Variants in TSHZ3 observed in about 807,000 individuals in gnomAD.
TSHZ3 encodes teashirt homolog 3.
In TSHZ3, 10 loss-of-function variants were observed where a neutral mutation model predicts 64.5. The observed-to-expected ratio is 0.16, with a 90% CI of 0.10 to 0.26. TSHZ3 has a LOEUF of 0.26. Among genes scored for constraint, TSHZ3 ranks in the 10% least tolerant of loss-of-function variants. The probability of loss-of-function intolerance (pLI) is 1.00; values close to 1 mark genes in which losing one functional copy is unlikely to be tolerated. For synonymous variants in TSHZ3, 608 were observed against 593.1 expected (o/e 1.03, Z -0.36); for missense variants, 1,242 against 1,421.7 (o/e 0.87, Z 2.03).
At chr19:31,326,796 T>C (rs1449171651) in intron 1 of TSHZ3, among the ~76,000 whole-genome samples, 1 of 152,184 alleles carries the variant, frequency 6.6e-6, no homozygotes, top group Non-Finnish European at 1.5e-5. Context: ...GCACTGCGAG[T>C]GCCCATGTCT....
chr19:31,197,385 A>T (rs1249588036), intron 5 of TSHZ3, among the ~76,000 whole-genome samples: 2 of 151,754 alleles, frequency 1.3e-5, no homozygotes, highest in Non-Finnish European at 3.0e-5. Flanking sequence ...TTAATCATCT[A>T]GGCTTCCATT....
chr19:31,271,872 A>G (rs1039029577), downstream of TSHZ3, among the ~76,000 whole-genome samples: 7 of 152,236 alleles, frequency 4.6e-5, no homozygotes, highest in Non-Finnish European at 8.8e-5. Context: ...GATAATAGCT[A>G]TTATTTTAAA....
chr19:31,161,663 A>G (rs1392553891), intron 5 of TSHZ3, among the ~76,000 whole-genome samples: 3 of 152,016 alleles, frequency 2.0e-5, no homozygotes, highest in Non-Finnish European at 2.9e-5. Flanking sequence ...ACTTTGGGCC[A>G]CCTCCTGGGC....
chr19:31,314,866 T>G (rs141907550), intron 1 of TSHZ3, among the ~76,000 whole-genome samples: 1 of 152,200 alleles, frequency 6.6e-6, no homozygotes, highest in Non-Finnish European at 1.5e-5. Context: ...GCTCAGCTCA[T>G]GGCCCCTGGG....
intron 1 of TSHZ3, among the ~76,000 whole-genome samples, chr19:31,316,733 TG>T (rs1341104002): frequency 2.0e-5 from 3 of 151,600 alleles, no homozygotes; most frequent in African/African-American, 7.3e-5. Context: ...TTCCACCTCA[TG>T]GAAAAGTGGG....
At chr19:31,237,696 T>C (rs1975637321) in intron 3 of TSHZ3, among the ~76,000 whole-genome samples, 1 of 152,200 alleles carries the variant, frequency 6.6e-6, no homozygotes, top group Non-Finnish European at 1.5e-5. Flanking sequence ...CAATAATTGG[T>C]ATTAAACCTT....
At chr19:31,232,290 A>G (rs1313496727) in intron 3 of TSHZ3, among the ~76,000 whole-genome samples, 1 of 152,216 alleles carries the variant, frequency 6.6e-6, no homozygotes, top group African/African-American at 2.4e-5. Flanking sequence ...GCTGAAAAAA[A>G]AGTCAATGAA....
intron 4 of TSHZ3, among the ~76,000 whole-genome samples, chr19:31,208,666 A>G (rs987123015): frequency 1.3e-5 from 2 of 152,242 alleles, no homozygotes. Context: ...GGCACATAGC[A>G]TGGAACCTAT....
chr19:31,162,262 A>G (rs1395825042), intron 5 of TSHZ3, among the ~76,000 whole-genome samples: 3 of 152,188 alleles, frequency 2.0e-5, no homozygotes, highest in African/African-American at 7.2e-5. Flanking sequence ...AAAAAATCTG[A>G]TTATAATCTA....
chr19:31,168,900 C>T (rs1167384021), intron 5 of TSHZ3, among the ~76,000 whole-genome samples: 2 of 152,080 alleles, frequency 1.3e-5, no homozygotes, highest in Non-Finnish European at 2.9e-5. Flanking sequence ...GAAAAGCATC[C>T]AACTGTCATA....
intron 5 of TSHZ3, among the ~76,000 whole-genome samples, chr19:31,204,574 A>C (rs1975137919): frequency 6.6e-6 from 1 of 152,198 alleles, no homozygotes; most frequent in Non-Finnish European, 1.5e-5. Flanking sequence ...CCCAGCCATG[A>C]GTAGAATGTT....
At chr19:31,177,926 C>A (rs1164906906) in intron 5 of TSHZ3, among the ~76,000 whole-genome samples, 3 of 152,096 alleles carry the variant, frequency 2.0e-5, no homozygotes, top group Non-Finnish European at 4.4e-5. Flanking sequence ...TTTAGAGGCT[C>A]CTGTAGTCCA....
chr19:31,335,207 T>C (rs1038930789), intron 1 of TSHZ3, among the ~76,000 whole-genome samples: 3 of 152,258 alleles, frequency 2.0e-5, no homozygotes, highest in Non-Finnish European at 4.4e-5. Flanking sequence ...GGATCTTTCT[T>C]CCTTTGCCCT....
chr19:31,294,759 C>T (rs552732693), intron 1 of TSHZ3, among the ~76,000 whole-genome samples: 90 of 152,192 alleles, frequency 5.9e-4, no homozygotes, highest in African/African-American at 2.1e-3. Flanking sequence ...TATATTGACA[C>T]TTATATAGTC....
chr19:31,204,698 T>C (rs139942014), intron 5 of TSHZ3: 2 of 152,452 alleles, frequency 1.3e-5, no homozygotes, highest in East Asian at 3.9e-4. Context: ...TCCCAGCTTC[T>C]TGGCTGTCCA....
At chr19:31,218,076 C>G (rs1049442573) in intron 4 of TSHZ3, among the ~76,000 whole-genome samples, 1 of 152,140 alleles carries the variant, frequency 6.6e-6, no homozygotes, top group Non-Finnish European at 1.5e-5. Flanking sequence ...AAAATTTCTC[C>G]TCTGTGAAAG....
chr19:31,308,552 C>T lies in TSHZ3; in HGVS notation c.41-28800G>A, dbSNP rs1447972412. The T allele has an allele frequency of 1.3e-5, 5 of 396,938 alleles. No homozygotes were observed. In the East Asian group the frequency reaches 1.8e-4, roughly 14 times the overall value. The allele number at this position is 396,938 out of a possible 1,614,324, so 24.6% of individuals were successfully genotyped here. A position where few individuals can be genotyped will look rare whatever the true frequency, so the allele number is the denominator to read the frequency against. On this transcript the variant is annotated intron_variant, in intron 1 of 1. Transcript: ENST00000240587. ...GCTCCATTTCTAGGAGACTGGCTCT[C>T]GATCCTTTTTGGAAATGGAGGTTTC...
In TSHZ3 at chr19:31,277,059, C is replaced by T. The variant is rs759742847; in HGVS notation, c.2734G>A (p.Ala912Thr). Residue 912 changes from alanine (A) to threonine (T), a missense_variant, in exon 2 of 2, where the codon GCC (alanine) becomes ACC (threonine). Ala to Thr is a moderately conservative substitution (Grantham distance 58). This residue lies in a region of TSHZ3 where 550 missense variants were observed against 545.1 expected (regional missense o/e 1.01). Coordinates refer to ENST00000240587, the MANE Select transcript of TSHZ3 (RefSeq NM_020856.4). This position sits in a 1 kb window ranked among gnomAD's most constrained non-coding sequence, Gnocchi z 4.5. The part of the protein sequence containing the change: ...HLLILQAQFA[A>T]SLRQTSEGKY... ...CCTTCTGAGGTCTGCCGGAGGCTGG[C>T]GGCAAACTGGGCCTGGAGGATCAGG... 8.1e-6 allele frequency: 13 copies of T among 1,608,290 alleles called. No individual in the cohort carries two copies. Among genetic ancestry groups the T allele is most frequent in the South Asian group, 6.6e-5 (6 of 90,356 alleles).
chr19:31,168,881 C>G lies in TSHZ3; in HGVS notation n.810-12464G>C, dbSNP rs1460090187. Among the ~76,000 whole-genome samples, 8 of 152,118 alleles carry G rather than the reference C, an allele frequency of 5.3e-5. No individual in the cohort carries two copies. In the East Asian group the frequency reaches 1.5e-3, roughly 29 times the overall value. On this transcript the variant is annotated intron_variant and non_coding_transcript_variant, in intron 5 of 6. Transcript: ENST00000651361. ...GTGGGGTGTATAAAAAGCAACTCATCCTGAGGGAGAAAAGCATCCAACTGT... is the reference window on the plus strand; with the variant it reads ...GTGGGGTGTATAAAAAGCAACTCATGCTGAGGGAGAAAAGCATCCAACTGT...
Sources: allele counts gnomAD v4.1 joint callset (sites outside exome capture counted in the v4.1 genomes callset), GRCh38; gene constraint gnomAD v4.1.1; regional missense constraint gnomAD v4.1.1; non-coding constraint Gnocchi (gnomAD v3.1); transcripts MANE v1.5; gene names NCBI Gene and HGNC (gene_info 2026-07-23, HGNC 2026-07-21).